The following NXPE4 variants were observed in gnomAD, a reference collection of about 807,000 sequenced individuals.
NXPE4 encodes the protein neurexophilin and PC-esterase domain family member 4.
A neutral mutation model predicts 33.3 loss-of-function variants in NXPE4; 42 were observed. That is an observed-to-expected ratio of 1.26 (90% CI 0.98 to 1.63). The LOEUF (loss-of-function observed/expected upper bound fraction) is 1.63, where lower values mean the gene tolerates loss of function less well. Among genes scored for constraint, NXPE4 ranks in the 40% most tolerant of loss-of-function variants. The pLI is 0.00. For synonymous variants in NXPE4, 253 were observed against 234.9 expected (o/e 1.08, Z -0.71); for missense variants, 709 against 647.6 (o/e 1.09, Z -1.03).
chr11:114,652,420 A>G, the NXPE4 span, among the ~76,000 whole-genome samples: 2 of 152,196 alleles, frequency 1.3e-5, no homozygotes, highest in African/African-American at 4.8e-5. Flanking sequence ...CCAGAGTGAG[A>G]TTCCAACACT....
the NXPE4 span, among the ~76,000 whole-genome samples, chr11:114,645,852 T>A: frequency 6.6e-6 from 1 of 152,100 alleles, no homozygotes; most frequent in Non-Finnish European, 1.5e-5. Context: ...AATTTGAGAG[T>A]ATAAAAATTA....
At chr11:114,633,561 C>G in the NXPE4 span, among the ~76,000 whole-genome samples, 1 of 151,364 alleles carries the variant, frequency 6.6e-6, no homozygotes, top group Non-Finnish European at 1.5e-5. Flanking sequence ...GTGCTGCACC[C>G]ATTGACTCGT....
chr11:114,603,463 G>T, the NXPE4 span, among the ~76,000 whole-genome samples: 135 of 150,652 alleles, frequency 9.0e-4, no homozygotes, highest in African/African-American at 2.2e-3. Flanking sequence ...CCTGGTGGAT[G>T]ATAAGTATTG....
At chr11:114,587,970 G>A (rs973848902) in intron 2 of NXPE4, among the ~76,000 whole-genome samples, 1 of 152,138 alleles carries the variant, frequency 6.6e-6, no homozygotes, top group African/African-American at 2.4e-5. Context: ...ATTTTCTGTA[G>A]ATGGGACAGC....
intron 2 of NXPE4, among the ~76,000 whole-genome samples, chr11:114,594,117 T>C (rs1020050736): frequency 6.6e-6 from 1 of 152,128 alleles, no homozygotes; most frequent in African/African-American, 2.4e-5. Context: ...CATTTGATAG[T>C]ATAACAGGGT....
the NXPE4 span, among the ~76,000 whole-genome samples, chr11:114,642,549 A>G: frequency 6.6e-6 from 1 of 152,042 alleles, no homozygotes; most frequent in Non-Finnish European, 1.5e-5. Context: ...TTTGCTGAGA[A>G]TGATGGTTTC....
chr11:114,601,882 AAT>A, the NXPE4 span, among the ~76,000 whole-genome samples: 1 of 1,278 alleles, frequency 7.8e-4, no homozygotes, highest in Non-Finnish European at 1.3e-3. Flanking sequence ...TATTATATAT[AAT>A]TATATATTAT....
chr11:114,604,318 G>A, the NXPE4 span, among the ~76,000 whole-genome samples: 1 of 151,998 alleles, frequency 6.6e-6, no homozygotes, highest in Non-Finnish European at 1.5e-5. Flanking sequence ...TTACCCTGTG[G>A]AAAATAAGTG....
the NXPE4 span, among the ~76,000 whole-genome samples, chr11:114,634,467 G>C: frequency 5.3e-5 from 8 of 151,912 alleles, no homozygotes; most frequent in Non-Finnish European, 1.0e-4. Context: ...CTTTAGTTTA[G>C]TTAGATCCCA....
In NXPE4 at chr11:114,571,055, G is replaced by A. The variant is rs1225561247; in HGVS notation, c.1518C>T (p.Leu506=). Reference sequence around the variant, plus strand: ...CCCAGGCATCAATGATACTCACACTGAGATCCTGGAAAATGTCCTTTATGA... The same window carrying A: ...CCCAGGCATCAATGATACTCACACTAAGATCCTGGAAAATGTCCTTTATGA... ...YLIIKDIFQD[L]SVSIIDAWDI... The change falls in exon 6 of 6, where the codon CTC becomes CTT. Residue 506 remains leucine, a synonymous_variant. Coordinates refer to ENST00000375478, the MANE Select transcript of NXPE4 (RefSeq NM_001077639.2). 6.2e-7 allele frequency: 1 copy of A among 1,613,816 alleles called. No homozygotes were observed. The highest frequency in any genetic ancestry group is 8.5e-7 in the Non-Finnish European group (1 of 1,179,726).
At chr11:114,590,119 G>T (rs1196365972) in intron 2 of NXPE4, among the ~76,000 whole-genome samples, 1 of 152,130 alleles carries the variant, frequency 6.6e-6, no homozygotes, top group Non-Finnish European at 1.5e-5. Context: ...CATTTGTTTG[G>T]ACAGGCATTG....
chr11:114,571,559 G>A (rs1948887708), intron 5 of NXPE4, 86 bp from the exon 6 acceptor site: 1 of 1,199,504 alleles, frequency 8.3e-7, no homozygotes, highest in Non-Finnish European at 1.2e-6. Flanking sequence ...GATTTGATTG[G>A]TATAATTAAA....
rs1179315463 is a variant in NXPE4, at chr11:114,580,185, A to G, written c.1046T>C (p.Met349Thr). The change falls in exon 5 of 6, where the codon ATG (methionine) becomes ACG (threonine). Residue 349 changes from methionine to threonine, a missense_variant. Physicochemically the swap from Met to Thr is moderately conservative, Grantham distance 81. Transcript: ENST00000375478. ...ECLRGKLIYL[M>T]GDSTIRQWME... ...CCACTGGCGGATCGTGGAATCTCCC[A>G]TTAGGTATATGAGTTTTCCTCTCAG... 1.9e-6 allele frequency: 3 copies of G among 1,613,986 alleles called. No homozygotes were observed. Among genetic ancestry groups the G allele is most frequent in the East Asian group, 2.2e-5 (1 of 44,886 alleles).
the NXPE4 span, among the ~76,000 whole-genome samples, chr11:114,649,396 C>T: frequency 2.0e-5 from 3 of 152,130 alleles, no homozygotes; most frequent in Admixed American, 1.3e-4. Flanking sequence ...AAGTAATATT[C>T]AGCAATGAAA....
At chr11:114,632,961 AT>A in the NXPE4 span, among the ~76,000 whole-genome samples, 4 of 101,976 alleles carry the variant, frequency 3.9e-5, no homozygotes, top group African/African-American at 8.2e-5. Context: ...ATTTTATATA[AT>A]TATATATTAT....
the NXPE4 span, among the ~76,000 whole-genome samples, chr11:114,601,336 A>G: frequency 1.0e-4 from 15 of 148,490 alleles, no homozygotes; most frequent in Non-Finnish European, 2.2e-4. Context: ...AAGTGAGAAT[A>G]TGTGGTATTT....
At chr11:114,638,973 G>C in the NXPE4 span, among the ~76,000 whole-genome samples, 1 of 152,022 alleles carries the variant, frequency 6.6e-6, no homozygotes, top group Admixed American at 6.6e-5. Flanking sequence ...CTGTGAGCTG[G>C]GAGAACCACT....
At chr11:114,668,980 C>T in the NXPE4 span, among the ~76,000 whole-genome samples, 1 of 152,056 alleles carries the variant, frequency 6.6e-6, no homozygotes, top group East Asian at 1.9e-4. Flanking sequence ...TGCTCCCATT[C>T]CACTCCCAGC....
the NXPE4 span, among the ~76,000 whole-genome samples, chr11:114,675,917 C>A: frequency 1.3e-5 from 2 of 151,720 alleles, no homozygotes; most frequent in Non-Finnish European, 2.9e-5. Flanking sequence ...AAGAATGGAA[C>A]CAAATAGAGA....
Sources: allele counts gnomAD v4.1 joint callset (sites outside exome capture counted in the v4.1 genomes callset), GRCh38; gene constraint gnomAD v4.1.1; transcripts MANE v1.5; gene names NCBI Gene and HGNC (gene_info 2026-07-23, HGNC 2026-07-21).